PABPC4L: variants seen among roughly 807,000 people sequenced by gnomAD.
PABPC4L encodes the protein poly(A) binding protein cytoplasmic 4 like, also known as polyadenylate-binding protein 4-like.
For synonymous variants in PABPC4L, 169 were observed against 164.1 expected (o/e 1.03, Z -0.23); for missense variants, 452 against 451.4 (o/e 1.00, Z -0.01).
the PABPC4L span, among the ~76,000 whole-genome samples, chr4:134,022,395 C>T: frequency 6.6e-6 from 1 of 152,170 alleles, no homozygotes; most frequent in South Asian, 2.1e-4. Flanking sequence ...GAGGCAAAGA[C>T]GTTACGAATA....
the PABPC4L span, among the ~76,000 whole-genome samples, chr4:134,114,803 C>A: frequency 6.6e-6 from 1 of 151,880 alleles, no homozygotes. Flanking sequence ...TGGTATTGAT[C>A]TTATTAAAGT....
chr4:134,160,347 T>C, the PABPC4L span, among the ~76,000 whole-genome samples: 2 of 151,954 alleles, frequency 1.3e-5, no homozygotes, highest in Non-Finnish European at 2.9e-5. Context: ...TAATACACCC[T>C]CCTCCAGGTA....
chr4:134,190,246 G>T, the PABPC4L span, among the ~76,000 whole-genome samples: 12 of 152,054 alleles, frequency 7.9e-5, no homozygotes, highest in African/African-American at 2.9e-4. Context: ...ATAGTGGTTT[G>T]TCCTGACACA....
the PABPC4L span, among the ~76,000 whole-genome samples, chr4:134,104,536 C>T: frequency 2.6e-5 from 4 of 151,682 alleles, no homozygotes; most frequent in Non-Finnish European, 5.9e-5. Flanking sequence ...TACGTTTCTC[C>T]GAAGCTCAGC....
the PABPC4L span, among the ~76,000 whole-genome samples, chr4:134,033,278 T>C: frequency 6.6e-6 from 1 of 151,832 alleles, no homozygotes; most frequent in East Asian, 1.9e-4. Context: ...TGTTATGTGT[T>C]CTGACAGCTC....
chr4:134,061,498 A>G, the PABPC4L span, among the ~76,000 whole-genome samples: 3 of 151,920 alleles, frequency 2.0e-5, no homozygotes, highest in African/African-American at 7.2e-5. Context: ...AAAAGACAAC[A>G]GAGATGTAAA....
At chr4:134,146,069 G>A in the PABPC4L span, among the ~76,000 whole-genome samples, 1 of 151,706 alleles carries the variant, frequency 6.6e-6, no homozygotes, top group Non-Finnish European at 1.5e-5. Flanking sequence ...TTAAACAAAT[G>A]CTTTTATATT....
chr4:134,093,050 G>A, the PABPC4L span, among the ~76,000 whole-genome samples: 1 of 151,470 alleles, frequency 6.6e-6, no homozygotes, highest in African/African-American at 2.4e-5. Flanking sequence ...TTTTTTTTGT[G>A]TTTACTGTTA....
the PABPC4L span, among the ~76,000 whole-genome samples, chr4:134,185,372 G>T: frequency 6.6e-6 from 1 of 152,064 alleles, no homozygotes; most frequent in African/African-American, 2.4e-5. Flanking sequence ...GGCATGCAAG[G>T]CTGGTTCAAC....
chr4:134,145,418 A>T, the PABPC4L span, among the ~76,000 whole-genome samples: 1 of 151,712 alleles, frequency 6.6e-6, no homozygotes, highest in African/African-American at 2.4e-5. Flanking sequence ...AGATGTTGAT[A>T]TGAATGAAAA....
chr4:134,164,241 C>T, the PABPC4L span, among the ~76,000 whole-genome samples: 3 of 105,394 alleles, frequency 2.8e-5, no homozygotes, highest in African/African-American at 7.6e-5. Context: ...CCAGCCTGGG[C>T]GACAGAGCGA....
the PABPC4L span, among the ~76,000 whole-genome samples, chr4:133,956,645 G>A: frequency 1.3e-5 from 2 of 152,136 alleles, no homozygotes; most frequent in African/African-American, 2.4e-5. Flanking sequence ...TGAAGATAGT[G>A]TATTAGTCCA....
the PABPC4L span, among the ~76,000 whole-genome samples, chr4:133,950,516 G>A: frequency 6.6e-6 from 1 of 151,928 alleles, no homozygotes; most frequent in Non-Finnish European, 1.5e-5. Flanking sequence ...CATATGCTGG[G>A]GACCCCAGTG....
At chr4:133,988,555 G>A in the PABPC4L span, among the ~76,000 whole-genome samples, 1 of 152,192 alleles carries the variant, frequency 6.6e-6, no homozygotes, top group Non-Finnish European at 1.5e-5. Context: ...GATGCAAGAG[G>A]TGGGCTTCCA....
chr4:134,092,576 C>A, the PABPC4L span, among the ~76,000 whole-genome samples: 1 of 152,070 alleles, frequency 6.6e-6, no homozygotes, highest in Non-Finnish European at 1.5e-5. Context: ...CATCTATGGA[C>A]TGCCACTGCT....
rs977541880 is a variant in PABPC4L at position 134,201,261 on chromosome 4, G to C, written c.-226-16C>G. 4 of 1,505,618 alleles carry C rather than the reference G, an allele frequency of 2.7e-6. No individual in the cohort carries two copies. Among genetic ancestry groups the C allele is most frequent in the Admixed American group, 4.2e-5 (2 of 47,826 alleles). 93.3% of individuals were successfully genotyped at this position (1,505,618 alleles called of 1,614,324 possible). A position where few individuals can be genotyped will look rare whatever the true frequency, so the allele number is the denominator to read the frequency against. On this transcript the variant is annotated splice_polypyrimidine_tract_variant and intron_variant, in intron 1 of 1. Coordinates refer to ENST00000421491, the MANE Select transcript of PABPC4L (RefSeq NM_001114734.2). ...GGCAACAGAACTGTGAAATCGCAAAGAGAGATTATTAGGACAAGACGTTCC... is the reference window on the plus strand; with the variant it reads ...GGCAACAGAACTGTGAAATCGCAAACAGAGATTATTAGGACAAGACGTTCC...
chr4:133,953,207 T>C, the PABPC4L span, among the ~76,000 whole-genome samples: 1 of 152,180 alleles, frequency 6.6e-6, no homozygotes, highest in Non-Finnish European at 1.5e-5. Flanking sequence ...TTGCAGTCTT[T>C]GGAGTTGTTC....
At chr4:134,162,802 T>A in the PABPC4L span, among the ~76,000 whole-genome samples, 3 of 151,984 alleles carry the variant, frequency 2.0e-5, no homozygotes, top group Non-Finnish European at 2.9e-5. Flanking sequence ...AATTTAAAAA[T>A]TTTTCAAAAT....
At chr4:134,171,464 A>C in the PABPC4L span, among the ~76,000 whole-genome samples, 4 of 152,082 alleles carry the variant, frequency 2.6e-5, no homozygotes, top group African/African-American at 9.7e-5. Flanking sequence ...CCACTTTTAA[A>C]TGGGGCTGTT....
Sources: allele counts gnomAD v4.1 joint callset (sites outside exome capture counted in the v4.1 genomes callset), GRCh38; gene constraint gnomAD v4.1.1; transcripts MANE v1.5; gene names NCBI Gene and HGNC (gene_info 2026-07-23, HGNC 2026-07-21).